Variants in NR2C1 observed in about 807,000 individuals in gnomAD.
NR2C1 encodes TR2 nuclear hormone receptor.
NR2C1 carries 33 observed loss-of-function variants against 74.8 expected under a neutral mutation model. That is an observed-to-expected ratio of 0.44 (90% CI 0.33 to 0.59). The LOEUF is 0.59. NR2C1 is among the 20% of genes least tolerant of loss of function. The pLI is 0.02. For missense variants in NR2C1, 568 were observed against 715.6 expected (o/e 0.79, Z 2.35); for synonymous variants, 225 against 240.6 (o/e 0.94, Z 0.60).
At chr12:95,038,579 G>A (rs905844178) in intron 10 of NR2C1, among the ~76,000 whole-genome samples, 2 of 152,208 alleles carry the variant, frequency 1.3e-5, no homozygotes, top group Non-Finnish European at 2.9e-5. Flanking sequence ...CCAACATGGC[G>A]AAATCCCATC....
At chr12:95,049,342 G>C in intron 8 of NR2C1, 109 bp from the exon 9 acceptor site, 2 of 1,095,470 alleles carry the variant, frequency 1.8e-6, no homozygotes, top group East Asian at 2.4e-5. Context: ...TGGCCAGGCT[G>C]GTCTAGAACT....
intron 12 of NR2C1, among the ~76,000 whole-genome samples, chr12:95,026,453 C>T (rs1193901859): frequency 2.0e-5 from 3 of 151,978 alleles, no homozygotes; most frequent in Non-Finnish European, 4.4e-5. Flanking sequence ...TTATGCATAG[C>T]TTAAGAAATG....
At chr12:95,040,691 G>T in intron 9 of NR2C1, 94 bp from the exon 10 acceptor site, 1 of 1,169,980 alleles carries the variant, frequency 8.5e-7, no homozygotes, top group Non-Finnish European at 1.2e-6. Context: ...CACATCAAAT[G>T]AGAGCTAATA....
At chr12:95,060,075 C>A in intron 3 of NR2C1, 91 bp from the exon 4 acceptor site, 1 of 1,028,006 alleles carries the variant, frequency 9.7e-7, no homozygotes, top group Non-Finnish European at 1.4e-6. Context: ...AAAGAACATT[C>A]AGTTGGTCTT....
chr12:95,028,512 G>A lies in NR2C1; in HGVS notation c.1406C>T (p.Thr469Ile). 1 of 1,545,168 alleles carries A rather than the reference G, an allele frequency of 6.5e-7. No individual in the cohort carries two copies. Among genetic ancestry groups the A allele is most frequent in the Non-Finnish European group, 8.9e-7 (1 of 1,125,218 alleles). ...CTCCATCAATAATTTTCTTCTTTCT[G>A]TTGACATTTTATCTTTAATTAAAAA... ...HNSLQQDKMS[T>I]ERRKLLMEHI... The change falls in exon 12 of 14, where the codon ACA becomes ATA. Residue 469 changes from threonine to isoleucine, a missense_variant. By Grantham distance (89) the Thr-to-Ile change is moderately conservative (BLOSUM62 -1). Transcript: ENST00000333003.
chr12:95,063,208 G>A (rs1402330130), intron 2 of NR2C1, among the ~76,000 whole-genome samples: 5 of 152,322 alleles, frequency 3.3e-5, no homozygotes, highest in South Asian at 4.1e-4. Context: ...GGAAGCTCAC[G>A]CTAAGGAGGT....
chr12:95,029,016 TTAAGA>T (rs1479210134), intron 11 of NR2C1, among the ~76,000 whole-genome samples: 1 of 152,174 alleles, frequency 6.6e-6, no homozygotes, highest in African/African-American at 2.4e-5. Flanking sequence ...AAAACTAATC[TTAAGA>T]TATTATTCAT....
At position 95,049,216 on chromosome 12, in the gene NR2C1, G is replaced by T. The variant is rs761848236; in HGVS notation, c.983C>A (p.Ala328Glu). 2 of 1,613,870 alleles carry T rather than the reference G, an allele frequency of 1.2e-6. No individual in the cohort carries two copies. The highest frequency in any genetic ancestry group is 1.3e-5 in the African/African-American group (1 of 75,020). Residue 328 changes from alanine to glutamate, a missense_variant, in exon 9 of 14, where the codon GCA becomes GAA. By Grantham distance (107) the Ala-to-Glu change is moderately radical. Coordinates refer to ENST00000333003, the MANE Select transcript of NR2C1 (RefSeq NM_003297.4). The part of the protein sequence containing the change: ...GDVSRAFDTL[A>E]KALNPGESTA... ...GCTCTCTCCAGGATTCAATGCTTTT[G>T]CAAGAGTGTCAAATGCCCTGTATGA...
chr12:95,022,299 C>G lies in NR2C1; in HGVS notation c.1742G>C (p.Ser581Thr), dbSNP rs1177655920. 1.2e-6 allele frequency: 2 copies of G among 1,612,900 alleles called. 1 individual carries two copies. Among genetic ancestry groups the G allele is most frequent in the African/African-American group, 2.7e-5 (2 of 74,992 alleles). ...CATTTTCAAAATATGTGGGATAACA[C>G]TGTCAATTCGTATATTGCCAATGAG... The part of the protein sequence containing the change: ...KGLIGNIRID[S>T]VIPHILKMEP... The change falls in exon 14 of 14, where the codon AGT becomes ACT. Residue 581 changes from serine (S) to threonine (T), a missense_variant. Coordinates refer to ENST00000333003, the MANE Select transcript of NR2C1 (RefSeq NM_003297.4).
rs572672900 is a variant in NR2C1, at chr12:95,030,969, CCTAT to C, written c.1393+376_1393+379del. The stretch of plus-strand genomic sequence containing the variant: ...CTCTGATGAATTGATACAAAATCAA[CCTAT>C]CTTAGGATTCAAAGGGCTATAATAA... On this transcript the variant is annotated intron_variant, in intron 11 of 13. Coordinates refer to ENST00000333003, the MANE Select transcript of NR2C1 (RefSeq NM_003297.4). The C allele has an allele frequency of 1.4e-3, 1,365 of 1,003,002 alleles. 12 individuals are homozygous for C. The African/African-American group carries it at 0.02, about 15-fold the overall frequency. 62.1% of individuals were successfully genotyped at this position (1,003,002 alleles called of 1,614,324 possible).
Position 95,057,646 on chromosome 12 carries a change from G to T in NR2C1, c.693-3C>A, listed in dbSNP as rs1486329605. Reference sequence around the variant, plus strand: ...CTGAATCTAACAGTCCTGTTGACCTGTAACAAATCAGCACAAATTTTGGCC... The same window carrying T: ...CTGAATCTAACAGTCCTGTTGACCTTTAACAAATCAGCACAAATTTTGGCC... On this transcript the variant is annotated splice_region_variant and splice_polypyrimidine_tract_variant and intron_variant, in intron 6 of 13. Transcript: ENST00000333003. The T allele has an allele frequency of 4.3e-6, 7 of 1,613,010 alleles. No homozygotes were observed. Among genetic ancestry groups the T allele is most frequent in the Non-Finnish European group, 5.9e-6 (7 of 1,179,738 alleles).
Position 95,049,038 on chromosome 12 carries a change from A to G in NR2C1, c.1131+30T>C, listed in dbSNP as rs1190755038. The G allele has an allele frequency of 5.0e-6, 8 of 1,596,588 alleles. No individual in the cohort carries two copies. In the South Asian group the frequency reaches 8.9e-5, roughly 18 times the overall value. On this transcript the variant is annotated intron_variant, in intron 9 of 13. Transcript: ENST00000333003. Reference sequence around the variant, plus strand: ...GTAGATCAAAATCAAGCAACACAACATACAAGTTAAAAAAAACATATAGAA... The same window carrying G: ...GTAGATCAAAATCAAGCAACACAACGTACAAGTTAAAAAAAACATATAGAA...
chr12:95,052,502 A>C (rs1592765806), intron 7 of NR2C1, among the ~76,000 whole-genome samples: 2 of 151,992 alleles, frequency 1.3e-5, no homozygotes, highest in African/African-American at 4.8e-5. Flanking sequence ...TGTCACCCAG[A>C]CTGGAGTACA....
rs564389453 is a variant in NR2C1 at position 95,043,757 on chromosome 12, T to C, written c.1132-3160A>G. Among the ~76,000 whole-genome samples, 4 of 152,104 alleles carry C rather than the reference T, an allele frequency of 2.6e-5. No homozygotes were observed. In the South Asian group the frequency reaches 8.3e-4, roughly 32 times the overall value. Reference sequence around the variant, plus strand: ...TTAAATAAAATATTAATACTTGTAATGTGTAAACACTGGATATAATGGTTT... The same window carrying C: ...TTAAATAAAATATTAATACTTGTAACGTGTAAACACTGGATATAATGGTTT... On this transcript the variant is annotated intron_variant, in intron 9 of 13. Transcript: ENST00000333003.
chr12:95,036,264 G>A (rs1351884973), intron 10 of NR2C1, among the ~76,000 whole-genome samples: 1 of 114,486 alleles, frequency 8.7e-6, no homozygotes, highest in Non-Finnish European at 1.7e-5. Context: ...CAACACGAAT[G>A]TTGAGATTAA....
At chr12:95,063,898 G>T (rs969345246) in intron 2 of NR2C1, among the ~76,000 whole-genome samples, 2 of 147,912 alleles carry the variant, frequency 1.4e-5, no homozygotes, top group Non-Finnish European at 3.0e-5. Flanking sequence ...GCATGGTGGC[G>T]GGTGCCTGTA....
chr12:95,066,587 A>G (rs896258385), intron 2 of NR2C1, among the ~76,000 whole-genome samples: 1 of 152,198 alleles, frequency 6.6e-6, no homozygotes, highest in Non-Finnish European at 1.5e-5. Context: ...GTTAGCAGCA[A>G]TGTAGAGTCA....
At chr12:95,031,257 ATAAT>A (rs3217402) in intron 11 of NR2C1, 88 bp downstream of exon 11, 183,818 of 1,086,270 alleles carry the variant, frequency 0.17, 16,295 homozygotes, top group Non-Finnish European at 0.19. Flanking sequence ...CACTAATATA[ATAAT>A]TATTAGATAT....
chr12:95,045,920 C>A (rs1444848957), intron 9 of NR2C1, among the ~76,000 whole-genome samples: 3 of 152,014 alleles, frequency 2.0e-5, no homozygotes, highest in Non-Finnish European at 4.4e-5. Flanking sequence ...CTCACGGCAA[C>A]CTCCGCCTCC....
Sources: allele counts gnomAD v4.1 joint callset (sites outside exome capture counted in the v4.1 genomes callset), GRCh38; gene constraint gnomAD v4.1.1; transcripts MANE v1.5; gene names NCBI Gene and HGNC (gene_info 2026-07-23, HGNC 2026-07-21).